Variants in TDRD3 observed in about 807,000 individuals in gnomAD.
TDRD3 encodes tudor domain containing 3.
TDRD3 carries 45 observed loss-of-function variants against 86.7 expected under a neutral mutation model. The observed-to-expected ratio is 0.52, with a 90% CI of 0.41 to 0.67. The LOEUF (loss-of-function observed/expected upper bound fraction) is 0.67. TDRD3 is among the 30% of genes least tolerant of loss of function. The pLI is 0.00. For missense variants in TDRD3, 814 were observed against 889.0 expected, an observed-to-expected ratio of 0.92 and a Z score of 1.07; for synonymous variants, 298 against 301.7, an observed-to-expected ratio of 0.99 and a Z score of 0.13.
chr13:60,511,015 A>C (rs570293825), intron 10 of TDRD3, among the ~76,000 whole-genome samples: 1 of 152,232 alleles, frequency 6.6e-6, no homozygotes. Context: ...TAGATGACAG[A>C]TATAACTGTG....
At chr13:60,509,596 T>G in intron 8 of TDRD3, 167 bp from the exon 9 acceptor site, 1 of 821,694 alleles carries the variant, frequency 1.2e-6, no homozygotes, top group Non-Finnish European at 1.9e-6. Flanking sequence ...ATCATACAGA[T>G]TCTTCCTTGC....
intron 12 of TDRD3, among the ~76,000 whole-genome samples, chr13:60,546,152 A>G (rs1957936908): frequency 6.6e-6 from 1 of 152,136 alleles, no homozygotes; most frequent in African/African-American, 2.4e-5. Context: ...ATTATTGTAA[A>G]TGCTTGCTTT....
chr13:60,433,951 C>G (rs1404688629), intron 1 of TDRD3: 1 of 152,148 alleles, frequency 6.6e-6, no homozygotes, highest in Non-Finnish European at 1.5e-5. Flanking sequence ...TAATGGAGAT[C>G]TACTATCTGG....
chr13:60,550,132 T>G (rs1444711361), intron 12 of TDRD3, among the ~76,000 whole-genome samples: 1 of 152,068 alleles, frequency 6.6e-6, no homozygotes, highest in African/African-American at 2.4e-5. Context: ...AGAAAGATAG[T>G]CTGTTTCAAA....
chr13:60,524,531 A>T (rs1188569446), intron 10 of TDRD3, among the ~76,000 whole-genome samples: 1 of 151,830 alleles, frequency 6.6e-6, no homozygotes, highest in Non-Finnish European at 1.5e-5. Flanking sequence ...ATAAATAAAT[A>T]AAAAAAGAGA....
At chr13:60,497,133 G>C (rs375739106) in intron 8 of TDRD3, among the ~76,000 whole-genome samples, 1 of 152,312 alleles carries the variant, frequency 6.6e-6, no homozygotes, top group South Asian at 2.1e-4. Flanking sequence ...TGCTGGATCC[G>C]GAAGGGTGGA....
chr13:60,434,079 G>C (rs931652799), intron 1 of TDRD3: 1 of 152,156 alleles, frequency 6.6e-6, no homozygotes, highest in African/African-American at 2.4e-5. Flanking sequence ...AACACGACGT[G>C]AAGACAGTTA....
At chr13:60,484,729 G>T (rs770383707) in intron 6 of TDRD3, 17 of 455,234 alleles carry the variant, frequency 3.7e-5, no homozygotes, top group Non-Finnish European at 7.5e-5. Flanking sequence ...AAGAAAGTGT[G>T]AAGTCCTATG....
chr13:60,553,197 T>G (rs1958105720), intron 12 of TDRD3, among the ~76,000 whole-genome samples: 1 of 152,192 alleles, frequency 6.6e-6, no homozygotes, highest in South Asian at 2.1e-4. Context: ...TCAAACCATA[T>G]CTTTGTGAAT....
intron 1 of TDRD3, among the ~76,000 whole-genome samples, chr13:60,399,421 T>C (rs971868549): frequency 6.6e-6 from 1 of 152,226 alleles, no homozygotes; most frequent in Admixed American, 6.5e-5. Flanking sequence ...AAAAACACTA[T>C]CTTTCTAGGA....
intron 6 of TDRD3, among the ~76,000 whole-genome samples, chr13:60,484,408 C>T (rs913489729): frequency 5.3e-5 from 8 of 152,042 alleles, no homozygotes; most frequent in Non-Finnish European, 7.4e-5. Flanking sequence ...CAAAATTTAG[C>T]GGTTGGTAAT....
At chr13:60,516,840 T>C (rs1957183837) in intron 10 of TDRD3, among the ~76,000 whole-genome samples, 1 of 152,200 alleles carries the variant, frequency 6.6e-6, no homozygotes, top group African/African-American at 2.4e-5. Context: ...TTCACTGTTT[T>C]TTGCAGAACC....
chr13:60,505,674 G>C (rs185320388), intron 8 of TDRD3, among the ~76,000 whole-genome samples: 82 of 152,306 alleles, frequency 5.4e-4, no homozygotes, highest in Non-Finnish European at 1.1e-3. Flanking sequence ...AACTAGTTTA[G>C]AGAAGAACAT....
intron 12 of TDRD3, among the ~76,000 whole-genome samples, chr13:60,562,533 C>A (rs1275039889): frequency 6.6e-6 from 1 of 152,084 alleles, no homozygotes; most frequent in Non-Finnish European, 1.5e-5. Context: ...TTTACACTTC[C>A]ATACATACAA....
At chr13:60,520,306 G>A (rs1018251184) in intron 10 of TDRD3, among the ~76,000 whole-genome samples, 3 of 151,998 alleles carry the variant, frequency 2.0e-5, no homozygotes, top group Non-Finnish European at 4.4e-5. Flanking sequence ...TTTTTATTTA[G>A]CATAATGGAC....
intron 12 of TDRD3, among the ~76,000 whole-genome samples, chr13:60,550,366 AT>A (rs1290379733): frequency 6.6e-6 from 1 of 152,130 alleles, no homozygotes; most frequent in Non-Finnish European, 1.5e-5. Flanking sequence ...AATGTGAAGA[AT>A]TTGGTGTGAA....
intron 12 of TDRD3, among the ~76,000 whole-genome samples, chr13:60,556,943 G>A (rs1055723042): frequency 3.9e-5 from 6 of 152,130 alleles, no homozygotes; most frequent in African/African-American, 1.4e-4. Flanking sequence ...AGTGGCTGAC[G>A]CCTGTAATCC....
intron 10 of TDRD3, among the ~76,000 whole-genome samples, chr13:60,524,337 T>C (rs1957357631): frequency 6.6e-6 from 1 of 151,918 alleles, no homozygotes; most frequent in Non-Finnish European, 1.5e-5. Context: ...TGAAACCCCG[T>C]CTCTACTAAA....
At chr13:60,479,300 G>A (rs937973976) in intron 5 of TDRD3, among the ~76,000 whole-genome samples, 11 of 152,280 alleles carry the variant, frequency 7.2e-5, no homozygotes, top group African/African-American at 2.4e-4. Flanking sequence ...ACATGTAATT[G>A]CATGGTTTTG....
Sources: allele counts gnomAD v4.1 joint callset (sites outside exome capture counted in the v4.1 genomes callset), GRCh38; gene constraint gnomAD v4.1.1; transcripts MANE v1.5; gene names NCBI Gene and HGNC (gene_info 2026-07-23, HGNC 2026-07-21).